Variants in EN2 observed in about 807,000 individuals in gnomAD.
EN2 encodes the protein engrailed homeobox 2.
In EN2, 7 loss-of-function variants were observed where a neutral mutation model predicts 25.0. The observed-to-expected ratio is 0.28, with a 90% CI of 0.16 to 0.53. The LOEUF is 0.53. Ranked by LOEUF, EN2 falls within the 20% of genes least tolerant of loss-of-function variation. EN2 has a pLI of 0.96. For missense variants in EN2, 524 were observed against 501.8 expected (o/e 1.04, Z -0.42); for synonymous variants, 277 against 243.3 (o/e 1.14, Z -1.29).
chr7:155,459,296 A>T (rs1012373309), intron 1 of EN2, among the ~76,000 whole-genome samples: 2 of 151,776 alleles, frequency 1.3e-5, no homozygotes, highest in African/African-American at 2.4e-5. Context: ...CGCAGAAGGG[A>T]CCTTCTTTCT....
Position 155,462,851 on chromosome 7 carries a change from T to G in EN2, c.*164T>G. The G allele has an allele frequency of 2.4e-6, 2 of 841,822 alleles. No homozygotes were observed. The highest frequency in any genetic ancestry group is 1.7e-6 in the Non-Finnish European group (1 of 600,008). 52.1% of individuals were successfully genotyped at this position (841,822 alleles called of 1,614,324 possible). A position where few individuals can be genotyped will look rare whatever the true frequency, so the allele number is the denominator to read the frequency against. ...ATGTATATATCATTTACAGGTGGTA[T>G]AAAATCCAAAATATCTGACTATAAA... On this transcript the variant is annotated 3_prime_UTR_variant, in exon 2 of 2. Transcript: ENST00000297375.
rs748145360 is a variant in EN2 at position 155,462,693 on chromosome 7, G to A, written c.*6G>A. On this transcript the variant is annotated 3_prime_UTR_variant, in exon 2 of 2. Coordinates refer to ENST00000297375, the MANE Select transcript of EN2 (RefSeq NM_001427.4). ...GCAAGTCGGACAGCGAGTAGGGCGGGGGGCATGGAGGCCAGGTCTCAGTCC... is the reference window on the plus strand; with the variant it reads ...GCAAGTCGGACAGCGAGTAGGGCGGAGGGCATGGAGGCCAGGTCTCAGTCC... The A allele has an allele frequency of 6.4e-7, 1 of 1,562,790 alleles. No homozygotes were observed. The highest frequency in any genetic ancestry group is 8.7e-7 in the Non-Finnish European group (1 of 1,151,944).
At position 155,463,995 on chromosome 7, in the gene EN2, A is replaced by AACACACACAC. The variant is rs35869460; in HGVS notation, c.*1323_*1332dup. 34 of 133,478 alleles carry AACACACACAC rather than the reference A, an allele frequency of 2.5e-4. No homozygotes were observed. Among genetic ancestry groups the AACACACACAC allele is most frequent in the Admixed American group, 6.8e-4 (9 of 13,228 alleles). 8.3% of individuals were successfully genotyped at this position (133,478 alleles called of 1,614,324 possible). On this transcript the variant is annotated 3_prime_UTR_variant, in exon 2 of 2. Coordinates refer to ENST00000297375, the MANE Select transcript of EN2 (RefSeq NM_001427.4). The stretch of plus-strand genomic sequence containing the variant: ...TTACACATATGTCTGCATGCATGTG[A>AACACACACAC]ACACACACACACACACACACACACC...
chr7:155,462,537 C>G lies in EN2; in HGVS notation c.852C>G (p.Asn284Lys), dbSNP rs560776197. ...RQSLAQELSL[N>K]ESQIKIWFQN... ...GCCTGGCGCAGGAGCTGAGCCTCAA[C>G]GAGTCACAGATCAAGATTTGGTTCC... is the stretch of plus-strand genomic sequence containing the variant. The change falls in exon 2 of 2, where the codon AAC becomes AAG. Residue 284 changes from asparagine (N) to lysine (K), a missense_variant. Physicochemically the swap from Asn to Lys is moderately conservative, Grantham distance 94. Transcript: ENST00000297375. The G allele has an allele frequency of 1.2e-6, 2 of 1,614,080 alleles. No individual in the cohort carries two copies. The highest frequency in any genetic ancestry group is 3.3e-5 in the Admixed American group (2 of 60,012).
chr7:155,458,984 G>C lies in EN2; in HGVS notation c.607G>C (p.Gly203Arg). The change falls in exon 1 of 2, where the codon GGC (glycine) becomes CGC (arginine). Residue 203 changes from glycine to arginine, a missense_variant. Coordinates refer to ENST00000297375, the MANE Select transcript of EN2 (RefSeq NM_001427.4). ...VSSDSDSSQA[G>R]ANLGAQPMLW... Reference sequence around the variant, plus strand: ...CTCGGACTCGGACAGCTCGCAAGCCGGCGCCAACCTGGGCGCGCAGCCCAT... The same window carrying C: ...CTCGGACTCGGACAGCTCGCAAGCCCGCGCCAACCTGGGCGCGCAGCCCAT... 1.3e-6 allele frequency: 2 copies of C among 1,552,968 alleles called. No homozygotes were observed. The highest frequency in any genetic ancestry group is 1.7e-6 in the Non-Finnish European group (2 of 1,159,886).
Position 155,464,704 on chromosome 7 carries a change from AAATG to A in EN2, c.*2026_*2029del, listed in dbSNP as rs1405489973. The A allele has an allele frequency of 1.3e-5, 2 of 152,626 alleles. No individual in the cohort carries two copies. The highest frequency in any genetic ancestry group is 6.5e-5 in the Admixed American group (1 of 15,288). The allele number at this position is 152,626 out of a possible 1,614,324, so 9.5% of individuals were successfully genotyped here. On this transcript the variant is annotated 3_prime_UTR_variant, in exon 2 of 2. Transcript: ENST00000297375. ...TATCAAATATTTATAATCTTATGAG[AAATG>A]AATGAATGTTTCTATTTACAACTGT... is the stretch of plus-strand genomic sequence containing the variant.
Position 155,463,189 on chromosome 7 carries a change from G to C in EN2, c.*502G>C, listed in dbSNP as rs1795716992. ...AGGAGGGGCCCACACCTCAAGCCTGGACCAGCCACCTCAAGGCCTTGGGGA... is the reference window on the plus strand; with the variant it reads ...AGGAGGGGCCCACACCTCAAGCCTGCACCAGCCACCTCAAGGCCTTGGGGA... On this transcript the variant is annotated 3_prime_UTR_variant, in exon 2 of 2. Transcript: ENST00000297375. 6.5e-6 allele frequency: 1 copy of C among 153,886 alleles called. No homozygotes were observed. Among genetic ancestry groups the C allele is most frequent in the Admixed American group, 6.5e-5 (1 of 15,306 alleles). 9.5% of individuals were successfully genotyped at this position (153,886 alleles called of 1,614,324 possible). A position where few individuals can be genotyped will look rare whatever the true frequency, so the allele number is the denominator to read the frequency against.
intron 1 of EN2, 56 bp downstream of exon 1, chr7:155,459,118 G>A: frequency 6.7e-7 from 1 of 1,494,600 alleles, no homozygotes; most frequent in Middle Eastern, 1.8e-4. Flanking sequence ...CGCGGAGCTG[G>A]GGGGCGGTGC....
In EN2 at chr7:155,464,647, G is replaced by C. The variant is rs1019211456; in HGVS notation, c.*1960G>C. On this transcript the variant is annotated 3_prime_UTR_variant, in exon 2 of 2. Coordinates refer to ENST00000297375, the MANE Select transcript of EN2 (RefSeq NM_001427.4). ...GTTTTTTGTTTTCTTTGTTGTTTTA[G>C]TTTATAAAACATGTGCATTTTACAG... 7 of 152,548 alleles carry C rather than the reference G, an allele frequency of 4.6e-5. No individual in the cohort carries two copies. The highest frequency in any genetic ancestry group is 1.7e-4 in the African/African-American group (7 of 41,436). 9.4% of individuals were successfully genotyped at this position (152,548 alleles called of 1,614,324 possible).
intron 1 of EN2, among the ~76,000 whole-genome samples, chr7:155,461,394 C>T (rs746585099): frequency 1.3e-5 from 2 of 152,230 alleles, no homozygotes; most frequent in Admixed American, 6.5e-5. Context: ...TTCTGCTCTC[C>T]TCCCTCTGCC....
Position 155,458,608 on chromosome 7 carries a change from C to G in EN2, c.231C>G (p.Pro77=), listed in dbSNP as rs756080887. 808 of 1,468,394 alleles carry G rather than the reference C, an allele frequency of 5.5e-4. No homozygotes were observed. Among genetic ancestry groups the G allele is most frequent in the Non-Finnish European group, 2.8e-4 (315 of 1,107,962 alleles). 91.0% of individuals were successfully genotyped at this position (1,468,394 alleles called of 1,614,324 possible). The part of the protein sequence containing the change: ...TNFFIDNILR[P]EFGRRKDAGT... ...TCTTCATCGACAACATCCTGCGGCC[C>G]GAGTTCGGCCGGCGAAAGGACGCGG... The change falls in exon 1 of 2, where the codon CCC becomes CCG. Residue 77 remains proline (P), a synonymous_variant. Coordinates refer to ENST00000297375, the MANE Select transcript of EN2 (RefSeq NM_001427.4).
At chr7:155,460,213 C>T (rs1246663629) in intron 1 of EN2, among the ~76,000 whole-genome samples, 1 of 152,216 alleles carries the variant, frequency 6.6e-6, no homozygotes, top group Non-Finnish European at 1.5e-5. Context: ...ATTTAATTAA[C>T]ATACAGGCTC....
rs549831481 is a variant in EN2, at chr7:155,463,354, C to G, written c.*667C>G. 2 of 153,264 alleles carry G rather than the reference C, an allele frequency of 1.3e-5. No homozygotes were observed. The highest frequency in any genetic ancestry group is 2.9e-5 in the Non-Finnish European group (2 of 68,770). 9.5% of individuals were successfully genotyped at this position (153,264 alleles called of 1,614,324 possible). A position where few individuals can be genotyped will look rare whatever the true frequency, so the allele number is the denominator to read the frequency against. ...ATGCTCACCAGCAGCCGCCCAGGCC[C>G]GCAGCCTCACCCGGCTCCCTCTCCT... On this transcript the variant is annotated 3_prime_UTR_variant, in exon 2 of 2. Coordinates refer to ENST00000297375, the MANE Select transcript of EN2 (RefSeq NM_001427.4).
At chr7:155,459,373 G>T (rs1217281955) in intron 1 of EN2, among the ~76,000 whole-genome samples, 1 of 152,066 alleles carries the variant, frequency 6.6e-6, no homozygotes, top group East Asian at 1.9e-4. Context: ...CCGCCTTGGC[G>T]CATCTCTTCC....
chr7:155,460,435 G>C (rs1795681985), intron 1 of EN2, among the ~76,000 whole-genome samples: 1 of 152,224 alleles, frequency 6.6e-6, no homozygotes. Flanking sequence ...AAAGGGGAGA[G>C]AGAGTTTTCT....
At position 155,458,681 on chromosome 7, in the gene EN2, G is replaced by T. The variant is rs1795657471; in HGVS notation, c.304G>T (p.Gly102Cys). 1 of 1,346,926 alleles carries T rather than the reference G, an allele frequency of 7.4e-7. No homozygotes were observed. Among genetic ancestry groups the T allele is most frequent in the South Asian group, 2.0e-5 (1 of 50,268 alleles). The allele number at this position is 1,346,926 out of a possible 1,614,324, so 83.4% of individuals were successfully genotyped here. A position where few individuals can be genotyped will look rare whatever the true frequency, so the allele number is the denominator to read the frequency against. ...AGGAGGAAGGGGCGGCGGAGCCGGC[G>T]GCGAAGGCGGCGCGAGCGGTGCGGA... ...AGGGRGGGAG[G>C]EGGASGAEGG... Residue 102 changes from glycine (G) to cysteine (C), a missense_variant, in exon 1 of 2, where the codon GGC becomes TGC. Gly to Cys is a radical substitution (Grantham distance 159). Transcript: ENST00000297375.
chr7:155,462,265 T>G (rs1314578596), intron 1 of EN2, 106 bp from the exon 2 acceptor site: 18 of 1,322,644 alleles, frequency 1.4e-5, no homozygotes, highest in Non-Finnish European at 1.8e-5. Flanking sequence ...CGAGTGGCCT[T>G]GGGCGAGTCA....
At chr7:155,459,675 C>T (rs1795672926) in intron 1 of EN2, among the ~76,000 whole-genome samples, 1 of 152,262 alleles carries the variant, frequency 6.6e-6, no homozygotes, top group African/African-American at 2.4e-5. Context: ...AAAATAAAGG[C>T]GCCCTTTCCC....
Position 155,462,719 on chromosome 7 carries a change from G to A in EN2, c.*32G>A, listed in dbSNP as rs992170679. ...GGGCATGGAGGCCAGGTCTCAGTCCGCGCTAAACAATGCAATAATTTAAAA... is the reference window on the plus strand; with the variant it reads ...GGGCATGGAGGCCAGGTCTCAGTCCACGCTAAACAATGCAATAATTTAAAA... On this transcript the variant is annotated 3_prime_UTR_variant, in exon 2 of 2. Transcript: ENST00000297375. 9.1e-6 allele frequency: 14 copies of A among 1,532,076 alleles called. No individual in the cohort carries two copies. The highest frequency in any genetic ancestry group is 4.1e-5 in the African/African-American group (3 of 72,356). The allele number at this position is 1,532,076 out of a possible 1,614,324, so 94.9% of individuals were successfully genotyped here. A position where few individuals can be genotyped will look rare whatever the true frequency, so the allele number is the denominator to read the frequency against.
Sources: allele counts gnomAD v4.1 joint callset (sites outside exome capture counted in the v4.1 genomes callset), GRCh38; gene constraint gnomAD v4.1.1; transcripts MANE v1.5; gene names NCBI Gene and HGNC (gene_info 2026-07-23, HGNC 2026-07-21).